The following ANKS1B variants were observed in gnomAD, a reference collection of about 807,000 sequenced individuals.
The protein encoded by ANKS1B is ankyrin repeat and sterile alpha motif domain containing 1B.
In ANKS1B, 36 loss-of-function variants were observed where a neutral mutation model predicts 148.3. The observed-to-expected ratio is 0.24, with a 90% confidence interval of 0.19 to 0.32. The LOEUF is 0.32. Among genes scored for constraint, ANKS1B ranks in the 10% least tolerant of loss-of-function variants. The pLI, the probability that ANKS1B is intolerant of heterozygous loss-of-function variation, is 1.00. For missense variants in ANKS1B, 1,157 were observed against 1,542.6 expected, an observed-to-expected ratio of 0.75 and a Z score of 4.19; for synonymous variants, 542 against 560.8, an observed-to-expected ratio of 0.97 and a Z score of 0.47.
At chr12:99,007,386 GC>G (rs1422954682) in intron 17 of ANKS1B, among the ~76,000 whole-genome samples, 4 of 152,186 alleles carry the variant, frequency 2.6e-5, no homozygotes, top group African/African-American at 4.8e-5. Context: ...GATAGCAGAA[GC>G]TTTTTTCCCC....
Position 98,829,447 on chromosome 12 carries a change from T to TG in ANKS1B, c.2887-95dup. 7 of 1,288,056 alleles carry TG rather than the reference T, an allele frequency of 5.4e-6. No individual in the cohort carries two copies. Among genetic ancestry groups the TG allele is most frequent in the Non-Finnish European group, 7.5e-6 (7 of 934,758 alleles). The allele number at this position is 1,288,056 out of a possible 1,614,324, so 79.8% of individuals were successfully genotyped here. On this transcript the variant is annotated intron_variant, in intron 18 of 26. Coordinates refer to ENST00000683438, the MANE Select transcript of ANKS1B (RefSeq NM_001352186.2). This position sits in a 1 kb window ranked among gnomAD's most constrained non-coding sequence, Gnocchi z 5.2. ...ATACTGACAAGACAAACTGTGGGGG[T>TG]GGGGAGTCGCTTTTGAAGCAACAGC...
intron 9 of ANKS1B, among the ~76,000 whole-genome samples, chr12:99,527,500 G>T (rs549936727): frequency 3.9e-5 from 6 of 152,180 alleles, no homozygotes; most frequent in African/African-American, 1.4e-4. Flanking sequence ...ATCCGGATTT[G>T]TGGCTCTCCC....
chr12:99,722,282 A>G (rs1047204785), intron 8 of ANKS1B, among the ~76,000 whole-genome samples: 5 of 152,230 alleles, frequency 3.3e-5, no homozygotes, highest in African/African-American at 1.2e-4. Flanking sequence ...GGACTCTCAT[A>G]ACCAGAGAGG....
intron 1 of ANKS1B, among the ~76,000 whole-genome samples, chr12:99,921,743 T>G (rs2094358833): frequency 6.6e-6 from 1 of 152,182 alleles, no homozygotes; most frequent in Non-Finnish European, 1.5e-5. Flanking sequence ...GATCACAGGA[T>G]GGCTTTTCAT....
chr12:99,533,593 G>A (rs572587987), intron 9 of ANKS1B, among the ~76,000 whole-genome samples: 6 of 152,286 alleles, frequency 3.9e-5, no homozygotes, highest in African/African-American at 1.4e-4. Context: ...ATGAAAGTGG[G>A]CATCCTTGTC....
intron 9 of ANKS1B, among the ~76,000 whole-genome samples, chr12:99,512,976 T>C (rs1037780646): frequency 6.6e-6 from 1 of 151,830 alleles, no homozygotes; most frequent in Non-Finnish European, 1.5e-5. Context: ...TAGGCTGATC[T>C]GTGCAGCAAA....
chr12:99,959,227 AT>A (rs71088166), intron 1 of ANKS1B, among the ~76,000 whole-genome samples: 26,981 of 99,454 alleles, frequency 0.27, 2,157 homozygotes, highest in Middle Eastern at 0.36. Flanking sequence ...CACCCAGTTA[AT>A]TTTTTTTTTT....
At chr12:99,601,824 A>C (rs1447558589) in intron 9 of ANKS1B, among the ~76,000 whole-genome samples, 1 of 152,022 alleles carries the variant, frequency 6.6e-6, no homozygotes, top group African/African-American at 2.4e-5. Context: ...GAGGAAACCT[A>C]GTAAGACCTC....
chr12:99,535,639 T>A (rs1384094924), intron 9 of ANKS1B, among the ~76,000 whole-genome samples: 1 of 152,160 alleles, frequency 6.6e-6, no homozygotes. Flanking sequence ...TTTGAGCTCA[T>A]CTGCTTGTTA....
chr12:99,549,597 G>A (rs916125672), intron 9 of ANKS1B, among the ~76,000 whole-genome samples: 1 of 152,162 alleles, frequency 6.6e-6, no homozygotes. Context: ...TACATGGAAT[G>A]CTTGACAAGC....
chr12:99,359,149 C>T (rs2092284649), intron 12 of ANKS1B, among the ~76,000 whole-genome samples: 1 of 152,050 alleles, frequency 6.6e-6, no homozygotes, highest in African/African-American at 2.4e-5. Context: ...CTCTAATGAT[C>T]CAGTATCTCA....
rs183120940 is a variant in ANKS1B at position 99,485,962 on chromosome 12, T to C, written c.1438+18514A>G. On this transcript the variant is annotated intron_variant, in intron 10 of 26. Coordinates refer to ENST00000683438, the MANE Select transcript of ANKS1B (RefSeq NM_001352186.2). ...TGCTTTAATTTCTCTATGAGGGTTT[T>C]CATCATTCTCTAATATCTCCCTGAG... Among the ~76,000 whole-genome samples the C allele has an allele frequency of 1.3e-3, 202 of 152,332 alleles. 2 individuals carry two copies. Among genetic ancestry groups the C allele is most frequent in the African/African-American group, 4.6e-3 (192 of 41,586 alleles).
intron 1 of ANKS1B, among the ~76,000 whole-genome samples, chr12:99,870,950 T>C (rs1032588350): frequency 6.6e-6 from 1 of 152,200 alleles, no homozygotes; most frequent in Non-Finnish European, 1.5e-5. Context: ...TCGTCAATTT[T>C]TATTTTTGTT....
chr12:99,404,845 G>C (rs2094495225), intron 11 of ANKS1B, among the ~76,000 whole-genome samples: 1 of 145,466 alleles, frequency 6.9e-6, no homozygotes. Context: ...ACTACCTCAA[G>C]CTATTTAATA....
intron 10 of ANKS1B, among the ~76,000 whole-genome samples, chr12:99,453,462 CATGGTAAGGAGCTG>C: frequency 6.6e-6 from 1 of 152,266 alleles, no homozygotes. Context: ...GCCTACGTGG[CATGGTAAGGAGCTG>C]AGGCCCTCAT....
intron 12 of ANKS1B, among the ~76,000 whole-genome samples, chr12:99,396,885 G>A (rs1367428015): frequency 1.3e-5 from 2 of 152,012 alleles, no homozygotes; most frequent in Non-Finnish European, 2.9e-5. Context: ...ACAAAACCAA[G>A]AAAGGCATTC....
At chr12:99,240,887 C>T (rs1349367724) in intron 14 of ANKS1B, among the ~76,000 whole-genome samples, 2 of 152,212 alleles carry the variant, frequency 1.3e-5, no homozygotes, top group East Asian at 1.9e-4. Context: ...CTCTGGGATA[C>T]ATTTAAAGCA....
intron 20 of ANKS1B, among the ~76,000 whole-genome samples, chr12:98,807,346 C>T (rs1051777509): frequency 3.3e-5 from 5 of 152,072 alleles, no homozygotes; most frequent in African/African-American, 1.2e-4. Flanking sequence ...CTCACCTCCC[C>T]CCACATTTGC....
rs1305854608 is a variant in ANKS1B, at chr12:99,780,674, G to C, written c.746-702C>G. Reference sequence around the variant, plus strand: ...TTGATTTAGAATGTGAATTCCTAAAGTATAATGGTCATGTGATTTATATTC... The same window carrying C: ...TTGATTTAGAATGTGAATTCCTAAACTATAATGGTCATGTGATTTATATTC... On this transcript the variant is annotated intron_variant, in intron 5 of 26. Coordinates refer to ENST00000683438, the MANE Select transcript of ANKS1B (RefSeq NM_001352186.2). 2.0e-5 allele frequency among the ~76,000 whole-genome samples: 3 copies of C among 152,222 alleles called. No individual in the cohort carries two copies. The East Asian group carries it at 5.8e-4, about 29-fold the overall frequency.
Sources: gnomAD v4.1 joint callset for allele counts (sites outside exome capture counted in the v4.1 genomes callset) on GRCh38, gnomAD v4.1.1 for gene constraint, Gnocchi (gnomAD v3.1) non-coding constraint, MANE v1.5 for transcripts, NCBI Gene and HGNC (gene_info 2026-07-23, HGNC 2026-07-21) for gene names.